Variants in SRPK2 observed in about 807,000 individuals in gnomAD.
SRPK2 encodes the protein SRSF protein kinase 2.
In SRPK2, 21 loss-of-function variants were observed where a neutral mutation model predicts 90.8. The ratio of observed to expected loss-of-function variants is 0.23; its 90% CI spans 0.16 to 0.33. The LOEUF (loss-of-function observed/expected upper bound fraction) is 0.33. SRPK2 is among the 10% of genes least tolerant of loss of function. The probability of loss-of-function intolerance (pLI) is 1.00; values close to 1 mark genes in which losing one functional copy is unlikely to be tolerated. For missense variants in SRPK2, 620 were observed against 869.0 expected (o/e 0.71, Z 3.60); for synonymous variants, 288 against 311.1 (o/e 0.93, Z 0.78).
intron 2 of SRPK2, among the ~76,000 whole-genome samples, chr7:105,209,275 T>C (rs1796573233): frequency 6.6e-6 from 1 of 152,020 alleles, no homozygotes; most frequent in African/African-American, 2.4e-5. Context: ...TCAGGCCGGG[T>C]GCAGTGGCCC....
intron 3 of SRPK2, among the ~76,000 whole-genome samples, chr7:105,188,451 A>C (rs547056783): frequency 6.6e-6 from 1 of 152,224 alleles, no homozygotes; most frequent in Non-Finnish European, 1.5e-5. Context: ...AAACCACACA[A>C]TTGTACCCTT....
chr7:105,145,991 C>A (rs1011882000), intron 8 of SRPK2, among the ~76,000 whole-genome samples: 45 of 152,134 alleles, frequency 3.0e-4, no homozygotes, highest in African/African-American at 9.9e-4. Context: ...ACCACCTCCC[C>A]GACCCCGCCC....
At chr7:105,379,498 A>G (rs1373602729) in intron 2 of SRPK2, among the ~76,000 whole-genome samples, 3 of 152,206 alleles carry the variant, frequency 2.0e-5, no homozygotes, top group Non-Finnish European at 4.4e-5. Context: ...ATGAAATTCA[A>G]GAACAGACAA....
At chr7:105,351,149 G>A (rs1162900990) in intron 2 of SRPK2, among the ~76,000 whole-genome samples, 1 of 151,942 alleles carries the variant, frequency 6.6e-6, no homozygotes, top group African/African-American at 2.4e-5. Flanking sequence ...ATTATCCTGG[G>A]AGTGCGACTG....
chr7:105,363,537 G>A (rs1297170682), intron 2 of SRPK2, among the ~76,000 whole-genome samples: 1 of 152,178 alleles, frequency 6.6e-6, no homozygotes, highest in Non-Finnish European at 1.5e-5. Flanking sequence ...AACACGTGCT[G>A]GAGAGGATGT....
At chr7:105,356,060 TTAAA>T (rs1430465116) in intron 2 of SRPK2, among the ~76,000 whole-genome samples, 1 of 151,894 alleles carries the variant, frequency 6.6e-6, no homozygotes, top group East Asian at 1.9e-4. Flanking sequence ...ATAAATTAAA[TTAAA>T]TAAATAAATA....
intron 2 of SRPK2, among the ~76,000 whole-genome samples, chr7:105,299,381 T>G (rs536051794): frequency 6.6e-6 from 1 of 152,354 alleles, no homozygotes; most frequent in East Asian, 1.9e-4. Context: ...TCGGATATCC[T>G]TTATCTTCTC....
chr7:105,316,708 G>A (rs918301835), intron 2 of SRPK2, among the ~76,000 whole-genome samples: 1 of 152,196 alleles, frequency 6.6e-6, no homozygotes, highest in African/African-American at 2.4e-5. Flanking sequence ...TACAAGGATA[G>A]GACAAAGTTA....
chr7:105,161,850 T>C (rs991192419), intron 6 of SRPK2, among the ~76,000 whole-genome samples: 9 of 152,236 alleles, frequency 5.9e-5, no homozygotes, highest in African/African-American at 2.2e-4. Flanking sequence ...GTTAAGAATG[T>C]ATGATCACCA....
intron 2 of SRPK2, among the ~76,000 whole-genome samples, chr7:105,384,794 C>A (rs1001432558): frequency 6.6e-6 from 1 of 152,144 alleles, no homozygotes; most frequent in Non-Finnish European, 1.5e-5. Flanking sequence ...ACACACTCAA[C>A]GTCACCCGGT....
At chr7:105,348,965 G>C (rs1218386474) in intron 2 of SRPK2, among the ~76,000 whole-genome samples, 4 of 151,358 alleles carry the variant, frequency 2.6e-5, no homozygotes. Context: ...GGCCAACATG[G>C]TGAAACCCCA....
intron 2 of SRPK2, among the ~76,000 whole-genome samples, chr7:105,280,655 AAGGGG>A (rs755528545): frequency 3.0e-5 from 4 of 132,170 alleles, no homozygotes; most frequent in African/African-American, 7.0e-5. Flanking sequence ...CATTAAAAAA[AAGGGG>A]GGGGGGGCCG....
chr7:105,213,807 A>G (rs905543027), intron 2 of SRPK2, among the ~76,000 whole-genome samples: 2 of 152,206 alleles, frequency 1.3e-5, no homozygotes, highest in Non-Finnish European at 2.9e-5. Flanking sequence ...GAAAGTTGCT[A>G]TAACAACTAA....
At chr7:105,340,000 G>C (rs910414018) in intron 2 of SRPK2, among the ~76,000 whole-genome samples, 2 of 151,236 alleles carry the variant, frequency 1.3e-5, no homozygotes, top group East Asian at 3.9e-4. Flanking sequence ...GGAAACTGCA[G>C]TGTGCCAAGA....
chr7:105,170,967 G>GAAAGAAAGAAAGAAAGAAAGAAAGAA lies in SRPK2; in HGVS notation c.230-1703_230-1702insTTCTTTCTTTCTTTCTTTCTTTCTTT, dbSNP rs66735717. 1.0e-3 allele frequency among the ~76,000 whole-genome samples: 78 copies of GAAAGAAAGAAAGAAAGAAAGAAAGAA among 74,496 alleles called. 5 individuals carry two copies. The highest frequency in any genetic ancestry group is 1.3e-3 in the Non-Finnish European group (50 of 37,530). The allele number at this position is 74,496 out of a possible 152,430, so 48.9% of individuals were successfully genotyped here. A position where few individuals can be genotyped will look rare whatever the true frequency, so the allele number is the denominator to read the frequency against. On this transcript the variant is annotated intron_variant, in intron 3 of 15. Coordinates refer to ENST00000393651, the MANE Select transcript of SRPK2 (RefSeq NM_182692.3). ...AGAAAGAAAGAAAGAAAGAAAGAAA[G>GAAAGAAAGAAAGAAAGAAAGAAAGAA]AGAAAGAAAGAGAAAGAAAGAAAGA...
rs985099483 is a variant in SRPK2, at chr7:105,117,767, T to A, written c.*71A>T. 5 of 1,506,720 alleles carry A rather than the reference T, an allele frequency of 3.3e-6. No homozygotes were observed. In the Admixed American group the frequency reaches 8.7e-5, roughly 26 times the overall value. 93.3% of individuals were successfully genotyped at this position (1,506,720 alleles called of 1,614,324 possible). Reference sequence around the variant, plus strand: ...GCTCACTTGTAATCCTGTTAAAGAATGAGAGTCACCGTTTAGGTCCAATGT... The same window carrying A: ...GCTCACTTGTAATCCTGTTAAAGAAAGAGAGTCACCGTTTAGGTCCAATGT... On this transcript the variant is annotated 3_prime_UTR_variant, in exon 16 of 16. Transcript: ENST00000393651.
rs940645608 is a variant in SRPK2, at chr7:105,244,553, G to GAC, written c.72-40770_72-40769dup. 1.2e-5 allele frequency: 7 copies of GAC among 561,214 alleles called. No homozygotes were observed. The African/African-American group carries it at 1.3e-4, about 11-fold the overall frequency. 34.8% of individuals were successfully genotyped at this position (561,214 alleles called of 1,614,324 possible). ...CGTGCCACTGCACTCCCGCCTGGGC[G>GAC]ACAGAACGAGACTCCGTCTCAACAA... is the stretch of plus-strand genomic sequence containing the variant. On this transcript the variant is annotated intron_variant, in intron 2 of 15. Transcript: ENST00000393651.
chr7:105,173,521 A>G (rs1273922106), intron 3 of SRPK2, among the ~76,000 whole-genome samples: 1 of 152,178 alleles, frequency 6.6e-6, no homozygotes, highest in Non-Finnish European at 1.5e-5. Context: ...ACCAGACCAC[A>G]CTAACCTAAT....
chr7:105,348,068 CTTTTTTT>C (rs770159031), intron 2 of SRPK2, among the ~76,000 whole-genome samples: 3 of 81,020 alleles, frequency 3.7e-5, no homozygotes, highest in South Asian at 5.2e-4. Context: ...GCTTGGCAAA[CTTTTTTT>C]TTTTTTTTTT....
Sources: gnomAD v4.1 joint callset for allele counts (sites outside exome capture counted in the v4.1 genomes callset) on GRCh38, gnomAD v4.1.1 for gene constraint, MANE v1.5 for transcripts, NCBI Gene and HGNC (gene_info 2026-07-23, HGNC 2026-07-21) for gene names.